The following STAM variants were observed in gnomAD, a reference collection of about 807,000 sequenced individuals.
The protein encoded by STAM is signal transducing adapter molecule 1.
STAM carries 16 observed loss-of-function variants against 63.4 expected under a neutral mutation model. The observed-to-expected ratio is 0.25, with a 90% CI of 0.17 to 0.38. STAM has a LOEUF of 0.38. Among genes scored for constraint, STAM ranks in the 10% least tolerant of loss-of-function variants. STAM has a pLI of 1.00. For missense variants in STAM, 636 were observed against 657.1 expected (o/e 0.97, Z 0.35); for synonymous variants, 238 against 223.9 (o/e 1.06, Z -0.56).
intron 1 of STAM, among the ~76,000 whole-genome samples, chr10:17,648,356 A>C (rs1336318027): frequency 2.0e-5 from 3 of 152,146 alleles, no homozygotes; most frequent in Non-Finnish European, 4.4e-5. Context: ...ACCAATTAGC[A>C]CTCTGTAAAA....
Position 17,715,388 on chromosome 10 carries a change from G to GATATAT in STAM, c.*617_*622dup, listed in dbSNP as rs72446968. The GATATAT allele has an allele frequency of 6.4e-6, 1 of 155,918 alleles. No individual in the cohort carries two copies. Among genetic ancestry groups the GATATAT allele is most frequent in the African/African-American group, 2.4e-5 (1 of 40,972 alleles). 9.7% of individuals were successfully genotyped at this position (155,918 alleles called of 1,614,324 possible). ...CCTTTTACTAATTGTGAGCTAAAGA[G>GATATAT]ATATATATATATATGTGTGTGTATA... On this transcript the variant is annotated 3_prime_UTR_variant, in exon 14 of 14. Transcript: ENST00000377524.
chr10:17,649,836 C>T (rs1274784047), intron 1 of STAM, among the ~76,000 whole-genome samples: 8 of 152,144 alleles, frequency 5.3e-5, no homozygotes, highest in African/African-American at 1.7e-4. Context: ...TGGTCTTGAA[C>T]TCCTAGCCTC....
At chr10:17,707,413 A>AAATAAT (rs782193967) in intron 12 of STAM, among the ~76,000 whole-genome samples, 8 of 151,606 alleles carry the variant, frequency 5.3e-5, no homozygotes, top group South Asian at 4.2e-4. Flanking sequence ...CCACCTCAAA[A>AAATAAT]AATAATAATA....
intron 2 of STAM, among the ~76,000 whole-genome samples, chr10:17,670,919 G>C (rs556268644): frequency 2.6e-5 from 4 of 152,088 alleles, no homozygotes; most frequent in African/African-American, 9.6e-5. Context: ...TTTTGAATAT[G>C]TTCAGTATAT....
chr10:17,696,892 A>G lies in STAM; in HGVS notation c.823+23A>G, dbSNP rs12412944. The G allele has an allele frequency of 3.1e-3, 4,884 of 1,563,018 alleles. 276 individuals are homozygous for G. The Admixed American group carries it at 0.078, about 25-fold the overall frequency. ...TGAGTAAGTATTTTCCAGCCTGCCA[A>G]TAAATGATGTTTTCTAATCCTTTTC... On this transcript the variant is annotated intron_variant, in intron 8 of 13. Coordinates refer to ENST00000377524, the MANE Select transcript of STAM (RefSeq NM_003473.4).
rs976342161 is a variant in STAM, at chr10:17,684,583, C to T, written c.126-92C>T. The T allele has an allele frequency of 1.7e-5, 16 of 942,798 alleles. No individual in the cohort carries two copies. The African/African-American group carries it at 2.7e-4, about 16-fold the overall frequency. 58.4% of individuals were successfully genotyped at this position (942,798 alleles called of 1,614,324 possible). ...ATTTCCCTACTTTATCATAGTCTCCCTTTTTATCGTAGTCTTTTGTCTATA... is the reference window on the plus strand; with the variant it reads ...ATTTCCCTACTTTATCATAGTCTCCTTTTTTATCGTAGTCTTTTGTCTATA... On this transcript the variant is annotated intron_variant, in intron 2 of 13. Transcript: ENST00000377524.
intron 4 of STAM, 55 bp from the exon 5 acceptor site, chr10:17,687,972 A>T (rs1217557830): frequency 6.9e-7 from 1 of 1,442,656 alleles, no homozygotes; most frequent in African/African-American, 1.4e-5. Context: ...AAATGTCTGT[A>T]TTAAATCATT....
chr10:17,702,679 G>C (rs1836051211), intron 9 of STAM, among the ~76,000 whole-genome samples: 1 of 152,150 alleles, frequency 6.6e-6, no homozygotes, highest in Admixed American at 6.5e-5. Flanking sequence ...GAATCCACCT[G>C]GGCTAGGAGA....
In STAM at chr10:17,681,641, G is replaced by A. The variant is rs551170918; in HGVS notation, c.126-3034G>A. 2.6e-5 allele frequency among the ~76,000 whole-genome samples: 4 copies of A among 152,224 alleles called. No homozygotes were observed. In the East Asian group the frequency reaches 5.8e-4, roughly 22 times the overall value. ...TTAATCTGATGATTTAATATTTTGA[G>A]GCTATCCTTTTGACTTATATAAAGA... On this transcript the variant is annotated intron_variant, in intron 2 of 13. Transcript: ENST00000377524.
At position 17,708,940 on chromosome 10, in the gene STAM, C is replaced by G. The variant is rs782705530; in HGVS notation, c.1374C>G (p.Ala458=). 3 of 1,613,444 alleles carry G rather than the reference C, an allele frequency of 1.9e-6. No homozygotes were observed. In the Admixed American group the frequency reaches 5.0e-5, roughly 27 times the overall value. The change falls in exon 13 of 14, where the codon GCC becomes GCG. Residue 458 remains alanine (A), a synonymous_variant. Coordinates refer to ENST00000377524, the MANE Select transcript of STAM (RefSeq NM_003473.4). The part of the protein sequence containing the change: ...NPALPSQQTQ[A]AYPNTMVSSV... ...CCCTTCCTAGTCAGCAGACTCAGGCCGCTTACCCAAAGTAATTTTACTGTT... is the reference window on the plus strand; with the variant it reads ...CCCTTCCTAGTCAGCAGACTCAGGCGGCTTACCCAAAGTAATTTTACTGTT...
At chr10:17,683,307 T>C (rs723792) in intron 2 of STAM, among the ~76,000 whole-genome samples, 18,589 of 152,056 alleles carry the variant, frequency 0.12, 1,233 homozygotes, top group Middle Eastern at 0.26. Context: ...CCATAGGAGC[T>C]GGGACCATTT....
chr10:17,688,868 A>T (rs1359509502), intron 5 of STAM, among the ~76,000 whole-genome samples: 1 of 152,176 alleles, frequency 6.6e-6, no homozygotes, highest in African/African-American at 2.4e-5. Flanking sequence ...ATAGCTCAGA[A>T]ATCAGGATAT....
chr10:17,647,821 C>T (rs80013236), intron 1 of STAM, among the ~76,000 whole-genome samples: 2 of 152,130 alleles, frequency 1.3e-5, no homozygotes, highest in African/African-American at 2.4e-5. Flanking sequence ...AAATACCTAG[C>T]GTATTCTGGT....
chr10:17,713,811 A>C (rs545455186), intron 13 of STAM, among the ~76,000 whole-genome samples: 8 of 152,004 alleles, frequency 5.3e-5, no homozygotes, highest in Middle Eastern at 3.4e-3. Context: ...GAATCTTATC[A>C]CGCTTCTGCT....
intron 7 of STAM, chr10:17,696,557 T>G: frequency 2.2e-5 from 10 of 460,110 alleles, no homozygotes; most frequent in Non-Finnish European, 7.7e-6. Context: ...AGAGCATGCA[T>G]TGGCAGTCAA....
intron 1 of STAM, among the ~76,000 whole-genome samples, chr10:17,658,496 G>C (rs150382718): frequency 6.6e-6 from 1 of 151,980 alleles, no homozygotes; most frequent in East Asian, 1.9e-4. Context: ...TGTCCTTTCT[G>C]ATTTTCTGCC....
chr10:17,662,432 A>G (rs782051640), intron 2 of STAM, among the ~76,000 whole-genome samples: 34 of 152,254 alleles, frequency 2.2e-4, no homozygotes, highest in Non-Finnish European at 4.1e-4. Flanking sequence ...CAATGGTATG[A>G]TCCTCTGAAT....
At chr10:17,650,750 G>A (rs1250371564) in intron 1 of STAM, among the ~76,000 whole-genome samples, 1 of 151,976 alleles carries the variant, frequency 6.6e-6, no homozygotes, top group Admixed American at 6.6e-5. Flanking sequence ...GTGAATGTAC[G>A]CGTGGCCCCT....
chr10:17,682,929 C>T (rs947451858), intron 2 of STAM, among the ~76,000 whole-genome samples: 30 of 152,246 alleles, frequency 2.0e-4, no homozygotes, highest in Non-Finnish European at 4.1e-4. Flanking sequence ...TGTTCATGCA[C>T]ATTTAGAATT....
Sources: allele counts gnomAD v4.1 joint callset (sites outside exome capture counted in the v4.1 genomes callset), GRCh38; gene constraint gnomAD v4.1.1; transcripts MANE v1.5; gene names NCBI Gene and HGNC (gene_info 2026-07-23, HGNC 2026-07-21).